The following ICA1 variants were observed in gnomAD, a reference collection of about 807,000 sequenced individuals.
ICA1 encodes 69 kDa islet cell autoantigen.
ICA1 carries 40 observed loss-of-function variants against 71.0 expected under a neutral mutation model. That is an observed-to-expected ratio of 0.56 (90% CI 0.44 to 0.73). ICA1 has a LOEUF of 0.73. Among genes scored for constraint, ICA1 ranks in the 30% least tolerant of loss-of-function variants. The pLI, the probability that ICA1 is intolerant of heterozygous loss-of-function variation, is 0.00. For missense variants in ICA1, 578 were observed against 576.5 expected, an observed-to-expected ratio of 1.00 and a Z score of -0.03; for synonymous variants, 207 against 209.5, an observed-to-expected ratio of 0.99 and a Z score of 0.10.
In ICA1 at chr7:8,173,718, G is replaced by A. The variant is rs1416026023; in HGVS notation, c.580-15066C>T. Among the ~76,000 whole-genome samples, 1 of 152,088 alleles carries A rather than the reference G, an allele frequency of 6.6e-6. No homozygotes were observed. The highest frequency in any genetic ancestry group is 1.9e-4 in the East Asian group (1 of 5,192). On this transcript the variant is annotated intron_variant, in intron 6 of 13. Transcript: ENST00000402384. The surrounding 1 kb of genome is among the most constrained non-coding windows in gnomAD (Gnocchi z 4.0). ...CTCACAACAGCCTTGTTGTTATTAA[G>A]ATGTTTCATAAACCTCAGGCCATTC...
At chr7:8,183,863 C>A (rs1010026136) in intron 6 of ICA1, among the ~76,000 whole-genome samples, 2 of 152,104 alleles carry the variant, frequency 1.3e-5, no homozygotes, top group Admixed American at 1.3e-4. Context: ...ATGATCTCTA[C>A]TCTTAAGGAA....
At chr7:8,246,982 A>C (rs1045175518) in intron 1 of ICA1, among the ~76,000 whole-genome samples, 5 of 152,016 alleles carry the variant, frequency 3.3e-5, no homozygotes, top group Non-Finnish European at 7.4e-5. Context: ...TCCTGACCTC[A>C]TGATCCACCC....
At chr7:8,197,424 G>A (rs900169062) in intron 6 of ICA1, among the ~76,000 whole-genome samples, 5 of 151,170 alleles carry the variant, frequency 3.3e-5, no homozygotes, top group East Asian at 1.9e-4. Context: ...ATGGCGGTGC[G>A]TGCCTGTAGT....
At chr7:8,240,921 G>C (rs1306495720) in intron 1 of ICA1, among the ~76,000 whole-genome samples, 1 of 152,220 alleles carries the variant, frequency 6.6e-6, no homozygotes, top group Non-Finnish European at 1.5e-5. Context: ...TATGTGAAAA[G>C]ACCAAATCTA....
chr7:8,147,687 A>AACACACACACACACAC (rs71014764), intron 8 of ICA1, among the ~76,000 whole-genome samples: 7 of 145,412 alleles, frequency 4.8e-5, no homozygotes, highest in African/African-American at 1.8e-4. Context: ...AGCCAAGGGG[A>AACACACACACACACAC]ACACACACAC....
intron 13 of ICA1, among the ~76,000 whole-genome samples, chr7:8,122,408 T>A (rs1787338413): frequency 6.6e-6 from 1 of 152,252 alleles, no homozygotes; most frequent in African/African-American, 2.4e-5. Context: ...GCTCCTTGAT[T>A]CCCTGTTCTA....
intron 6 of ICA1, among the ~76,000 whole-genome samples, chr7:8,164,634 C>A (rs575760309): frequency 1.3e-5 from 2 of 152,228 alleles, no homozygotes; most frequent in Non-Finnish European, 2.9e-5. Flanking sequence ...CCGTCATTAA[C>A]TGGATCTGTT....
chr7:8,156,887 T>C (rs1437072275), intron 8 of ICA1: 28 of 1,520,842 alleles, frequency 1.8e-5, no homozygotes, highest in Middle Eastern at 3.5e-4. Context: ...ATTCGCGCTT[T>C]TGGATTGCAG....
chr7:8,130,625 T>G lies in ICA1; in HGVS notation c.1061-2483A>C, dbSNP rs1414110555. On this transcript the variant is annotated intron_variant, in intron 12 of 13. Transcript: ENST00000402384. The surrounding 1 kb of genome is among the most constrained non-coding windows in gnomAD (Gnocchi z 4.2). ...GTAGACCCTGGAGGAGCAGATAATT[T>G]CAAATGCACCTTGGAAATGACGTAT... is the stretch of plus-strand genomic sequence containing the variant. 6.6e-6 allele frequency among the ~76,000 whole-genome samples: 1 copy of G among 152,150 alleles called. No homozygotes were observed. The highest frequency in any genetic ancestry group is 2.1e-4 in the South Asian group (1 of 4,818).
chr7:8,231,100 G>T (rs556867711), intron 3 of ICA1, among the ~76,000 whole-genome samples: 231 of 152,296 alleles, frequency 1.5e-3, no homozygotes, highest in Admixed American at 2.3e-3. Context: ...GGGGAGCAGG[G>T]GTGGACAGGC....
rs1796262743 is a variant in ICA1 at position 8,144,587 on chromosome 7, T to A, written c.805-615A>T. On this transcript the variant is annotated intron_variant, in intron 8 of 13. Transcript: ENST00000402384. The surrounding 1 kb of genome is among the most constrained non-coding windows in gnomAD (Gnocchi z 4.5). ...ATTAAAATGGGTGAGAGTCTTCTTTTGGCACATCATTTGTTGGAGTTACTA... is the reference window on the plus strand; with the variant it reads ...ATTAAAATGGGTGAGAGTCTTCTTTAGGCACATCATTTGTTGGAGTTACTA... 6.6e-6 allele frequency among the ~76,000 whole-genome samples: 1 copy of A among 152,168 alleles called. No homozygotes were observed. The highest frequency in any genetic ancestry group is 1.5e-5 in the Non-Finnish European group (1 of 68,030).
rs1381071110 is a variant in ICA1, at chr7:8,132,908, G to T, written c.1061-4766C>A. Among the ~76,000 whole-genome samples the T allele has an allele frequency of 6.6e-6, 1 of 152,200 alleles. No homozygotes were observed. Among genetic ancestry groups the T allele is most frequent in the Non-Finnish European group, 1.5e-5 (1 of 68,022 alleles). ...TTGGTGAAGCTGCTGGTGCTCCATA[G>T]AGGAACCCTCTTACTGTGTATCTTT... On this transcript the variant is annotated intron_variant, in intron 12 of 13. Transcript: ENST00000402384. This position sits in a 1 kb window ranked among gnomAD's most constrained non-coding sequence, Gnocchi z 4.5.
intron 6 of ICA1, among the ~76,000 whole-genome samples, chr7:8,216,744 C>G (rs1795538210): frequency 6.6e-6 from 1 of 152,164 alleles, no homozygotes; most frequent in Non-Finnish European, 1.5e-5. Context: ...TAGGTATTCT[C>G]TCTTAGAGAA....
At chr7:8,249,283 G>A (rs951783475) in intron 1 of ICA1, among the ~76,000 whole-genome samples, 3 of 152,228 alleles carry the variant, frequency 2.0e-5, no homozygotes, top group South Asian at 2.1e-4. Context: ...CTGGAAGTGC[G>A]GTGGGGAGGG....
chr7:8,213,700 A>G (rs1583318192), intron 6 of ICA1, among the ~76,000 whole-genome samples: 1 of 152,210 alleles, frequency 6.6e-6, no homozygotes, highest in African/African-American at 2.4e-5. Flanking sequence ...CCCATCCCCC[A>G]TATCAATACT....
At chr7:8,167,813 C>T (rs144477741) in intron 6 of ICA1, among the ~76,000 whole-genome samples, 77 of 152,194 alleles carry the variant, frequency 5.1e-4, no homozygotes, top group Non-Finnish European at 6.5e-4. Flanking sequence ...ATTCAGTGAA[C>T]GGCACCTGAT....
intron 6 of ICA1, among the ~76,000 whole-genome samples, chr7:8,166,231 G>A (rs1022876432): frequency 6.6e-6 from 1 of 152,020 alleles, no homozygotes; most frequent in African/African-American, 2.4e-5. Context: ...ACTTCTTAGG[G>A]CTAGATTTCT....
intron 5 of ICA1, 96 bp from the exon 6 acceptor site, chr7:8,218,599 A>G: frequency 2.2e-6 from 2 of 927,068 alleles, no homozygotes; most frequent in South Asian, 2.9e-5. Context: ...AGTCTAGAAC[A>G]GTACCTGGAA....
At chr7:8,157,972 G>C (rs536761467) in intron 7 of ICA1, among the ~76,000 whole-genome samples, 2 of 152,210 alleles carry the variant, frequency 1.3e-5, no homozygotes, top group Non-Finnish European at 2.9e-5. Context: ...TTACAGGTGA[G>C]AGCCACTGTG....
Sources: gnomAD v4.1 joint callset for allele counts (sites outside exome capture counted in the v4.1 genomes callset) on GRCh38, gnomAD v4.1.1 for gene constraint, Gnocchi (gnomAD v3.1) non-coding constraint, MANE v1.5 for transcripts, NCBI Gene and HGNC (gene_info 2026-07-23, HGNC 2026-07-21) for gene names.